Variants in FXR2 observed in about 807,000 individuals in gnomAD.
The protein encoded by FXR2 is FMR1 autosomal homolog 2.
In FXR2, 9 loss-of-function variants were observed where a neutral mutation model predicts 87.3. The ratio of observed to expected loss-of-function variants is 0.10; its 90% confidence interval spans 0.06 to 0.18. The LOEUF (loss-of-function observed/expected upper bound fraction) is 0.18. Ranked by LOEUF, FXR2 falls within the 10% of genes least tolerant of loss-of-function variation. FXR2 has a pLI of 1.00. For missense variants in FXR2, 661 were observed against 893.6 expected (o/e 0.74, Z 3.32); for synonymous variants, 331 against 328.3 (o/e 1.01, Z -0.09).
At chr17:7,602,249 C>T (rs965361987) in intron 6 of FXR2, among the ~76,000 whole-genome samples, 1 of 151,910 alleles carries the variant, frequency 6.6e-6, no homozygotes, top group Non-Finnish European at 1.5e-5. Context: ...TGGTGAAACC[C>T]TGTTTCTACT....
Position 7,591,936 on chromosome 17 carries a change from A to C in FXR2, c.1927-11T>G, listed in dbSNP as rs753198662. Reference sequence around the variant, plus strand: ...GCTGACAGAGTCACCCTGAGGGGAAAGTGGGAAAGAAAACAGAAAAGCAAG... The same window carrying C: ...GCTGACAGAGTCACCCTGAGGGGAACGTGGGAAAGAAAACAGAAAAGCAAG... On this transcript the variant is annotated splice_polypyrimidine_tract_variant and intron_variant, in intron 16 of 16. Coordinates refer to ENST00000250113, the MANE Select transcript of FXR2 (RefSeq NM_004860.4). The surrounding 1 kb of genome is among the most constrained non-coding windows in gnomAD (Gnocchi z 4.0). 2.0e-6 allele frequency: 3 copies of C among 1,506,956 alleles called. No homozygotes were observed. The East Asian group carries it at 6.8e-5, about 34-fold the overall frequency. The allele number at this position is 1,506,956 out of a possible 1,614,324, so 93.3% of individuals were successfully genotyped here.
At position 7,595,345 on chromosome 17, in the gene FXR2, C is replaced by G. The variant is rs2071699118; in HGVS notation, c.831+479G>C. On this transcript the variant is annotated intron_variant, in intron 8 of 16. Coordinates refer to ENST00000250113, the MANE Select transcript of FXR2 (RefSeq NM_004860.4). This position sits in a 1 kb window ranked among gnomAD's most constrained non-coding sequence, Gnocchi z 4.7. ...GCCCAGGTTGGTTCAGTGGCACCAT[C>G]ATGGTGTACTGCAGCCTTGACTTTC... is the stretch of plus-strand genomic sequence containing the variant. Among the ~76,000 whole-genome samples the G allele has an allele frequency of 6.6e-6, 1 of 152,122 alleles. No individual in the cohort carries two copies. The highest frequency in any genetic ancestry group is 1.5e-5 in the Non-Finnish European group (1 of 68,028).
At chr17:7,596,440 A>C (rs1320780655) in intron 7 of FXR2, 2 of 153,766 alleles carry the variant, frequency 1.3e-5, no homozygotes, top group Non-Finnish European at 2.9e-5. Flanking sequence ...TTACCGGCAT[A>C]AGCCACCACG....
intron 7 of FXR2, 21 bp downstream of exon 7, chr17:7,601,388 G>A: frequency 7.8e-7 from 1 of 1,283,186 alleles, no homozygotes; most frequent in South Asian, 1.2e-5. Flanking sequence ...TTCAGCAGAA[G>A]GAAAAGGAGC....
In FXR2 at chr17:7,604,334, G is replaced by A. The variant is rs191748843; in HGVS notation, c.229-254C>T. 1.3e-5 allele frequency among the ~76,000 whole-genome samples: 2 copies of A among 152,166 alleles called. 1 individual carries two copies. The highest frequency in any genetic ancestry group is 1.3e-4 in the Admixed American group (2 of 15,260). ...AATCCCAGCACTTTGGAAGGCCAAG[G>A]TGGGAGGATCTCTTGAGCTCAGGAG... On this transcript the variant is annotated intron_variant, in intron 3 of 16. Transcript: ENST00000250113.
chr17:7,594,501 A>G lies in FXR2; in HGVS notation c.911-154T>C, dbSNP rs971633057. On this transcript the variant is annotated intron_variant, in intron 9 of 16. Transcript: ENST00000250113. The surrounding 1 kb of genome is among the most constrained non-coding windows in gnomAD (Gnocchi z 5.1). ...TTTCTGATGTGTTTTTACAGGACAA[A>G]ATGTTACAATCCCTAGAAATTTATT... 1 of 665,810 alleles carries G rather than the reference A, an allele frequency of 1.5e-6. No homozygotes were observed. The highest frequency in any genetic ancestry group is 1.8e-5 in the African/African-American group (1 of 54,964). 41.2% of individuals were successfully genotyped at this position (665,810 alleles called of 1,614,324 possible). A position where few individuals can be genotyped will look rare whatever the true frequency, so the allele number is the denominator to read the frequency against.
chr17:7,595,147 TA>T lies in FXR2; in HGVS notation c.832-391del, dbSNP rs915945688. On this transcript the variant is annotated intron_variant, in intron 8 of 16. Coordinates refer to ENST00000250113, the MANE Select transcript of FXR2 (RefSeq NM_004860.4). The surrounding 1 kb of genome is among the most constrained non-coding windows in gnomAD (Gnocchi z 4.7). The stretch of plus-strand genomic sequence containing the variant: ...AAAAAAATTAAACAAATAAATAACT[TA>T]AAAAAAAAAACAGAGGACCTTGGCC... Among the ~76,000 whole-genome samples, 10 of 144,790 alleles carry T rather than the reference TA, an allele frequency of 6.9e-5. No individual in the cohort carries two copies. The highest frequency in any genetic ancestry group is 2.2e-4 in the South Asian group (1 of 4,498). The allele number at this position is 144,790 out of a possible 152,430, so 95.0% of individuals were successfully genotyped here. A position where few individuals can be genotyped will look rare whatever the true frequency, so the allele number is the denominator to read the frequency against.
At chr17:7,601,192 A>C (rs1019103587) in intron 7 of FXR2, among the ~76,000 whole-genome samples, 1 of 152,136 alleles carries the variant, frequency 6.6e-6, no homozygotes, top group African/African-American at 2.4e-5. Context: ...AAAAAAAAAA[A>C]AAAAAATTGG....
intron 5 of FXR2, 37 bp downstream of exon 5, chr17:7,603,719 TA>T (rs1198757954): frequency 1.9e-6 from 3 of 1,605,726 alleles, no homozygotes; most frequent in Non-Finnish European, 2.6e-6. Flanking sequence ...ATTAGGGCTG[TA>T]AAGAGGGCCC....
chr17:7,594,543 TC>T lies in FXR2; in HGVS notation c.910+135del, dbSNP rs2071692215. 1 of 733,856 alleles carries T rather than the reference TC, an allele frequency of 1.4e-6. No homozygotes were observed. Among genetic ancestry groups the T allele is most frequent in the South Asian group, 1.6e-5 (1 of 61,466 alleles). 45.5% of individuals were successfully genotyped at this position (733,856 alleles called of 1,614,324 possible). A position where few individuals can be genotyped will look rare whatever the true frequency, so the allele number is the denominator to read the frequency against. ...AAATTTATTCTTTCATTTTTATCACTCCCATTACAGACTGTTTCTCTGTCCT... is the reference window on the plus strand; with the variant it reads ...AAATTTATTCTTTCATTTTTATCACTCCATTACAGACTGTTTCTCTGTCCT... On this transcript the variant is annotated intron_variant, in intron 9 of 16. Coordinates refer to ENST00000250113, the MANE Select transcript of FXR2 (RefSeq NM_004860.4). This position sits in a 1 kb window ranked among gnomAD's most constrained non-coding sequence, Gnocchi z 5.1.
chr17:7,602,065 T>G (rs2071761350), intron 6 of FXR2, among the ~76,000 whole-genome samples: 1 of 151,984 alleles, frequency 6.6e-6, no homozygotes, highest in South Asian at 2.1e-4. Flanking sequence ...ACTCTATTTC[T>G]GAAAGTCCAA....
At chr17:7,600,302 G>A (rs942960249) in intron 7 of FXR2, among the ~76,000 whole-genome samples, 2 of 152,038 alleles carry the variant, frequency 1.3e-5, no homozygotes, top group Non-Finnish European at 2.9e-5. Flanking sequence ...AGGTTCAAGC[G>A]ATTCTCCTGC....
chr17:7,603,153 C>G (rs1414281750), intron 5 of FXR2, among the ~76,000 whole-genome samples, 151 bp from the exon 6 acceptor site: 1 of 149,488 alleles, frequency 6.7e-6, no homozygotes, highest in Non-Finnish European at 1.5e-5. Context: ...TCAAGACTAG[C>G]ATGGGCAACA....
chr17:7,604,323 G>A (rs746420284), intron 3 of FXR2, among the ~76,000 whole-genome samples: 4 of 152,008 alleles, frequency 2.6e-5, no homozygotes, highest in Non-Finnish European at 5.9e-5. Context: ...CCAGCACTTT[G>A]GAAGGCCAAG....
chr17:7,614,274 T>TA (rs939542858), intron 1 of FXR2, among the ~76,000 whole-genome samples, 178 bp downstream of exon 1: 5 of 151,896 alleles, frequency 3.3e-5, no homozygotes, highest in African/African-American at 1.2e-4. Flanking sequence ...GGGTCAAAAA[T>TA]AAGAGGAACA....
chr17:7,614,585 G>A lies in FXR2; in HGVS notation c.-53C>T, dbSNP rs1300203496. 2.9e-5 allele frequency: 35 copies of A among 1,208,550 alleles called. No homozygotes were observed. The highest frequency in any genetic ancestry group is 3.8e-5 in the Non-Finnish European group (35 of 920,512). The allele number at this position is 1,208,550 out of a possible 1,614,324, so 74.9% of individuals were successfully genotyped here. A position where few individuals can be genotyped will look rare whatever the true frequency, so the allele number is the denominator to read the frequency against. On this transcript the variant is annotated 5_prime_UTR_variant, in exon 1 of 17. Coordinates refer to ENST00000250113, the MANE Select transcript of FXR2 (RefSeq NM_004860.4). ...GGCGGCGGCTGCAGCAGCAGTCTGAGTGCGGGCCGGGCCAGGCCCCCGGCG... is the reference window on the plus strand; with the variant it reads ...GGCGGCGGCTGCAGCAGCAGTCTGAATGCGGGCCGGGCCAGGCCCCCGGCG...
intron 7 of FXR2, among the ~76,000 whole-genome samples, chr17:7,597,764 C>G (rs906947581): frequency 1.1e-4 from 17 of 151,692 alleles, no homozygotes; most frequent in African/African-American, 3.6e-4. Flanking sequence ...ATCACTGATC[C>G]TCAGTGATTG....
chr17:7,602,841 A>G, intron 6 of FXR2, 68 bp downstream of exon 6: 1 of 765,166 alleles, frequency 1.3e-6, no homozygotes, highest in Non-Finnish European at 2.3e-6. Context: ...TTTCTGCAAA[A>G]GGGTTAAAAA....
rs759506123 is a variant in FXR2 at position 7,592,957 on chromosome 17, A to G, written c.1528+27T>C. The G allele has an allele frequency of 2.6e-6, 4 of 1,550,656 alleles. No individual in the cohort carries two copies. The highest frequency in any genetic ancestry group is 2.0e-5 in the Admixed American group (1 of 49,630). On this transcript the variant is annotated intron_variant, in intron 13 of 16. Transcript: ENST00000250113. This position sits in a 1 kb window ranked among gnomAD's most constrained non-coding sequence, Gnocchi z 4.8. ...TGCCCATCATCTTTCCTTTTGGCCC[A>G]TATTCATGAACCCAGCTGTCTGGTA...
Sources: allele counts gnomAD v4.1 joint callset (sites outside exome capture counted in the v4.1 genomes callset), GRCh38; gene constraint gnomAD v4.1.1; non-coding constraint Gnocchi (gnomAD v3.1); transcripts MANE v1.5; gene names NCBI Gene and HGNC (gene_info 2026-07-23, HGNC 2026-07-21).